The following VTI1A variants were observed in gnomAD, a reference collection of about 807,000 sequenced individuals.
The protein encoded by VTI1A is vesicle transport through interaction with t-SNAREs homolog 1A.
VTI1A carries 22 observed loss-of-function variants against 34.9 expected under a neutral mutation model. The ratio of observed to expected loss-of-function variants is 0.63; its 90% confidence interval spans 0.45 to 0.90. The LOEUF is 0.90. Ranked by LOEUF, VTI1A falls within the 40% of genes least tolerant of loss-of-function variation. VTI1A has a pLI of 0.00. For synonymous variants in VTI1A, 87 were observed against 97.3 expected (o/e 0.89, Z 0.62); for missense variants, 268 against 275.6 (o/e 0.97, Z 0.20).
rs146919110 is a variant in VTI1A at position 112,697,514 on chromosome 10, A to G, written c.560+28516A>G. Among the ~76,000 whole-genome samples, 669 of 150,440 alleles carry G rather than the reference A, an allele frequency of 4.4e-3. 4 individuals are homozygous for G. Among genetic ancestry groups the G allele is most frequent in the African/African-American group, 0.016 (654 of 40,862 alleles). ...CAGGTTCAAGCAATTCTCCTGCCTC[A>G]GCCTCCTGAGTAGCTGGGATTACAG... On this transcript the variant is annotated intron_variant, in intron 7 of 7. Coordinates refer to ENST00000393077, the MANE Select transcript of VTI1A (RefSeq NM_145206.4).
intron 7 of VTI1A, among the ~76,000 whole-genome samples, chr10:112,730,002 C>G (rs1490418161): frequency 1.3e-5 from 2 of 152,228 alleles, no homozygotes; most frequent in African/African-American, 2.4e-5. Context: ...CAGGACCTCT[C>G]TCCCCAGCAG....
chr10:112,490,131 C>A (rs890919846), intron 3 of VTI1A, among the ~76,000 whole-genome samples: 14 of 152,176 alleles, frequency 9.2e-5, no homozygotes, highest in African/African-American at 3.1e-4. Context: ...ATCAATGCCA[C>A]TTGTTCCTGG....
At chr10:112,558,183 A>C (rs1325257920) in intron 5 of VTI1A, among the ~76,000 whole-genome samples, 1 of 152,232 alleles carries the variant, frequency 6.6e-6, no homozygotes. Context: ...TGGTGGAGAC[A>C]GAGAAATCAC....
intron 7 of VTI1A, among the ~76,000 whole-genome samples, chr10:112,744,459 CTTTT>C (rs11400561): frequency 7.9e-6 from 1 of 126,080 alleles, no homozygotes; most frequent in Non-Finnish European, 1.6e-5. Flanking sequence ...CTTCTTCTTC[CTTTT>C]TTTTTTTTTT....
chr10:112,530,840 A>G (rs1158775178), intron 4 of VTI1A, among the ~76,000 whole-genome samples: 1 of 152,124 alleles, frequency 6.6e-6, no homozygotes, highest in Non-Finnish European at 1.5e-5. Flanking sequence ...GGCAGAGCAG[A>G]TCATTACCAG....
intron 3 of VTI1A, among the ~76,000 whole-genome samples, chr10:112,496,512 A>G (rs1404894311): frequency 1.3e-5 from 2 of 152,110 alleles, no homozygotes; most frequent in Non-Finnish European, 2.9e-5. Flanking sequence ...CAGAGGTTGC[A>G]GTGAACCGAG....
the VTI1A span, among the ~76,000 whole-genome samples, chr10:112,842,050 C>CTTTT: frequency 1.4e-3 from 133 of 93,124 alleles, 2 homozygotes; most frequent in African/African-American, 2.4e-3. Context: ...TTTTTTTTTT[C>CTTTT]CTTTTTTTTT....
intron 5 of VTI1A, chr10:112,634,169 A>C (rs1341080876): frequency 6.5e-6 from 1 of 154,496 alleles, no homozygotes; most frequent in East Asian, 1.9e-4. Context: ...TTTAGAATTG[A>C]CTTTGTGGAA....
rs1851128831 is a variant in VTI1A at position 112,546,383 on chromosome 10, A to G, written c.427+8053A>G. Among the ~76,000 whole-genome samples the G allele has an allele frequency of 2.0e-5, 3 of 152,104 alleles. 1 individual carries two copies. In the South Asian group the frequency reaches 6.2e-4, roughly 32 times the overall value. ...GGAATTAGAGACCAGCCTTGGCAACATAGTGAGATGCCCTCTCTATAAAAA... is the reference window on the plus strand; with the variant it reads ...GGAATTAGAGACCAGCCTTGGCAACGTAGTGAGATGCCCTCTCTATAAAAA... On this transcript the variant is annotated intron_variant, in intron 5 of 7. Transcript: ENST00000393077.
intron 3 of VTI1A, among the ~76,000 whole-genome samples, chr10:112,488,772 C>G (rs905157875): frequency 5.3e-5 from 8 of 152,004 alleles, no homozygotes; most frequent in Admixed American, 3.9e-4. Context: ...CTAGGAATGT[C>G]TATGTATTTT....
intron 5 of VTI1A, among the ~76,000 whole-genome samples, chr10:112,571,838 G>A (rs1036640603): frequency 2.6e-5 from 4 of 152,180 alleles, no homozygotes; most frequent in African/African-American, 9.7e-5. Context: ...GTCCTTTGCA[G>A]GAACGTGGAT....
intron 1 of VTI1A, chr10:112,448,803 C>G (rs966238395): frequency 6.6e-6 from 1 of 152,192 alleles, no homozygotes; most frequent in Non-Finnish European, 1.5e-5. Context: ...CCTACTTCCC[C>G]CAAAACTTAT....
chr10:112,580,242 CA>C (rs1269880747), intron 5 of VTI1A, among the ~76,000 whole-genome samples: 2 of 152,000 alleles, frequency 1.3e-5, no homozygotes, highest in African/African-American at 4.8e-5. Context: ...TCCTCTGAAG[CA>C]GGGGTGAAAG....
At chr10:112,511,083 T>C (rs1235215848) in intron 3 of VTI1A, among the ~76,000 whole-genome samples, 1 of 152,144 alleles carries the variant, frequency 6.6e-6, no homozygotes, top group Non-Finnish European at 1.5e-5. Context: ...TTTTAGATCA[T>C]TTTAAGCTTT....
chr10:112,584,469 T>C (rs1007828691), intron 5 of VTI1A, among the ~76,000 whole-genome samples: 4 of 152,196 alleles, frequency 2.6e-5, no homozygotes, highest in Non-Finnish European at 5.9e-5. Context: ...AGTAATATAT[T>C]GTGGGTTCAC....
At chr10:112,734,301 T>C (rs908845924) in intron 7 of VTI1A, among the ~76,000 whole-genome samples, 2 of 152,100 alleles carry the variant, frequency 1.3e-5, no homozygotes, top group Non-Finnish European at 2.9e-5. Context: ...CATTAGACTG[T>C]TCGGGGGTCT....
chr10:112,550,720 T>C (rs1189450507), intron 5 of VTI1A, among the ~76,000 whole-genome samples: 1 of 152,160 alleles, frequency 6.6e-6, no homozygotes, highest in Non-Finnish European at 1.5e-5. Flanking sequence ...TCTTAAGATA[T>C]AAGCGTGAAG....
chr10:112,830,849 A>ATATATATATATATATATATATATATAT, the VTI1A span, among the ~76,000 whole-genome samples: 20 of 33,482 alleles, frequency 6.0e-4, no homozygotes, highest in Non-Finnish European at 6.9e-4. Context: ...ATATATATAT[A>ATATATATATATATATATATATATATAT]TTTTTTTTTT....
intron 7 of VTI1A, among the ~76,000 whole-genome samples, chr10:112,772,260 T>C (rs1353476781): frequency 6.6e-6 from 1 of 152,230 alleles, no homozygotes; most frequent in East Asian, 1.9e-4. Flanking sequence ...GGATGAGAAG[T>C]GGTATCTGAT....
Sources: gnomAD v4.1 joint callset for allele counts (sites outside exome capture counted in the v4.1 genomes callset) on GRCh38, gnomAD v4.1.1 for gene constraint, MANE v1.5 for transcripts, NCBI Gene and HGNC (gene_info 2026-07-23, HGNC 2026-07-21) for gene names.